The following UTP15 variants were observed in gnomAD, a reference collection of about 807,000 sequenced individuals.
The protein encoded by UTP15 is UTP15 small subunit processome component.
In UTP15, 5 loss-of-function variants were observed where a neutral mutation model predicts 59.1. The ratio of observed to expected loss-of-function variants is 0.08; its 90% CI spans 0.04 to 0.18. UTP15 has a LOEUF of 0.18. Ranked by LOEUF, UTP15 falls within the 10% of genes least tolerant of loss-of-function variation. The probability of loss-of-function intolerance (pLI) is 1.00; values close to 1 mark genes in which losing one functional copy is unlikely to be tolerated. For synonymous variants in UTP15, 211 were observed against 212.2 expected, an observed-to-expected ratio of 0.99 and a Z score of 0.05; for missense variants, 494 against 616.7, an observed-to-expected ratio of 0.80 and a Z score of 2.11.
At chr5:73,576,021 G>A (rs894961776) in intron 7 of UTP15, among the ~76,000 whole-genome samples, 2 of 151,380 alleles carry the variant, frequency 1.3e-5, no homozygotes, top group African/African-American at 4.9e-5. Flanking sequence ...ACCGCACCCG[G>A]CTAATACCTT....
Position 73,569,589 on chromosome 5 carries a change from C to T in UTP15, c.461C>T (p.Ser154Phe). 1 of 1,613,622 alleles carries T rather than the reference C, an allele frequency of 6.2e-7. No homozygotes were observed. Among genetic ancestry groups the T allele is most frequent in the South Asian group, 1.1e-5 (1 of 91,034 alleles). The change falls in exon 5 of 13, where the codon TCC becomes TTC. Residue 154 changes from serine (S) to phenylalanine (F), a missense_variant. Physicochemically the swap from Ser to Phe is radical, Grantham distance 155. Coordinates refer to ENST00000296792, the MANE Select transcript of UTP15 (RefSeq NM_032175.4). ...GTTAAATTATGGGATATTCCAAACT[C>T]CAAAGAAATTTTGACATTTAAAGAA... ...YTVKLWDIPNSKEILTFKEHS... is the reference protein window; with the variant it reads ...YTVKLWDIPNFKEILTFKEHS...
chr5:73,569,917 C>T (rs1454697315), intron 5 of UTP15, among the ~76,000 whole-genome samples: 2 of 152,140 alleles, frequency 1.3e-5, no homozygotes, highest in African/African-American at 4.8e-5. Flanking sequence ...ACTGCATCTG[C>T]TACCTCCTGG....
Position 73,582,161 on chromosome 5 carries a change from G to A in UTP15, c.*2067G>A, listed in dbSNP as rs1159078938. On this transcript the variant is annotated 3_prime_UTR_variant, in exon 13 of 13. Coordinates refer to ENST00000296792, the MANE Select transcript of UTP15 (RefSeq NM_032175.4). Reference sequence around the variant, plus strand: ...TATTCTCATTTAACATTGAGTTAACGAAAGTAGTTGATTCACTCTCGAAGT... The same window carrying A: ...TATTCTCATTTAACATTGAGTTAACAAAAGTAGTTGATTCACTCTCGAAGT... The A allele has an allele frequency of 2.6e-5, 4 of 152,144 alleles. No homozygotes were observed. Among genetic ancestry groups the A allele is most frequent in the Admixed American group, 6.5e-5 (1 of 15,270 alleles). The allele number at this position is 152,144 out of a possible 1,614,324, so 9.4% of individuals were successfully genotyped here.
Position 73,577,785 on chromosome 5 carries a change from G to A in UTP15, c.895-71G>A, listed in dbSNP as rs1183612636. 3.9e-5 allele frequency: 51 copies of A among 1,308,592 alleles called. No homozygotes were observed. The Middle Eastern group carries it at 9.6e-4, about 25-fold the overall frequency. 81.1% of individuals were successfully genotyped at this position (1,308,592 alleles called of 1,614,324 possible). ...GACAAGCAGCAAACACATGGTAAAT[G>A]TGTTTTGAAGTAAAAGTACTATAAA... On this transcript the variant is annotated intron_variant, in intron 8 of 12. Transcript: ENST00000296792.
intron 5 of UTP15, 101 bp downstream of exon 5, chr5:73,569,776 T>A (rs775650912): frequency 2.4e-5 from 22 of 917,814 alleles, no homozygotes; most frequent in Non-Finnish European, 3.0e-5. Flanking sequence ...AAATTTTTTT[T>A]ATAAAGGAAT....
Position 73,565,782 on chromosome 5 carries a change from G to A in UTP15, c.-214G>A, listed in dbSNP as rs1420076304. 1.1e-5 allele frequency: 5 copies of A among 456,140 alleles called. No individual in the cohort carries two copies. Among genetic ancestry groups the A allele is most frequent in the Non-Finnish European group, 8.8e-6 (2 of 226,956 alleles). 28.3% of individuals were successfully genotyped at this position (456,140 alleles called of 1,614,324 possible). A position where few individuals can be genotyped will look rare whatever the true frequency, so the allele number is the denominator to read the frequency against. On this transcript the variant is annotated 5_prime_UTR_variant, in exon 1 of 13. Coordinates refer to ENST00000296792, the MANE Select transcript of UTP15 (RefSeq NM_032175.4). ...CGACGTTCGGTTCGCTGTGTGTGTC[G>A]CCGGCTCCTTGAGGGTCCATGTGAT... is the stretch of plus-strand genomic sequence containing the variant.
In UTP15 at chr5:73,576,941, C is replaced by T. The variant is rs1220622; in HGVS notation, c.810-11C>T. The T allele has an allele frequency of 0.7, 1,100,000 of 1,565,202 alleles. 387,948 individuals carry two copies. Among genetic ancestry groups the T allele is most frequent in the East Asian group, 0.82 (36,329 of 44,420 alleles). ...AAGGTGATTTTTGACAAAGCTTTTC[C>T]TTTTTATTAGGAAGGTGAAAGTATA... is the stretch of plus-strand genomic sequence containing the variant. On this transcript the variant is annotated splice_polypyrimidine_tract_variant and intron_variant, in intron 7 of 12. Transcript: ENST00000296792.
At chr5:73,579,710 T>C (rs1748239732) in intron 12 of UTP15, among the ~76,000 whole-genome samples, 167 bp from the exon 13 acceptor site, 1 of 152,134 alleles carries the variant, frequency 6.6e-6, no homozygotes, top group Admixed American at 6.5e-5. Flanking sequence ...ATTAATTTAC[T>C]CAGAGGGATT....
At chr5:73,571,730 G>A (rs1335948714) in intron 6 of UTP15, among the ~76,000 whole-genome samples, 1 of 151,916 alleles carries the variant, frequency 6.6e-6, no homozygotes, top group Non-Finnish European at 1.5e-5. Context: ...GAGTCCAGGA[G>A]TTTGAGACCA....
In UTP15 at chr5:73,581,510, T is replaced by G. The variant is rs577119817; in HGVS notation, c.*1416T>G. On this transcript the variant is annotated 3_prime_UTR_variant, in exon 13 of 13. Transcript: ENST00000296792. ...TAATTATTACGCCAACTCAAGTAGT[T>G]AAAAATCAGTAAGAAAAATGTCTTG... 2.0e-5 allele frequency: 3 copies of G among 152,254 alleles called. No individual in the cohort carries two copies. In the East Asian group the frequency reaches 5.8e-4, roughly 29 times the overall value. The allele number at this position is 152,254 out of a possible 1,614,324, so 9.4% of individuals were successfully genotyped here. A position where few individuals can be genotyped will look rare whatever the true frequency, so the allele number is the denominator to read the frequency against.
chr5:73,568,189 T>G, intron 2 of UTP15, 46 bp from the exon 3 acceptor site: 1 of 1,397,284 alleles, frequency 7.2e-7, no homozygotes, highest in Non-Finnish European at 9.9e-7. Flanking sequence ...CATAAATAGG[T>G]CTTACCAGTG....
rs201155824 is a variant in UTP15 at position 73,579,387 on chromosome 5, T to C, written c.1339+12T>C. 1 of 1,591,226 alleles carries C rather than the reference T, an allele frequency of 6.3e-7. No homozygotes were observed. Among genetic ancestry groups the C allele is most frequent in the Non-Finnish European group, 8.6e-7 (1 of 1,169,158 alleles). On this transcript the variant is annotated intron_variant, in intron 12 of 12. Coordinates refer to ENST00000296792, the MANE Select transcript of UTP15 (RefSeq NM_032175.4). ...TGAAATAATTATTGGTAAGTCATTG[T>C]TAAAACTTGAAAATCCTAACATGCT...
chr5:73,580,357 A>G lies in UTP15; in HGVS notation c.*263A>G, dbSNP rs1748264332. 1.6e-5 allele frequency: 5 copies of G among 320,132 alleles called. No individual in the cohort carries two copies. The South Asian group carries it at 1.9e-4, about 12-fold the overall frequency. The allele number at this position is 320,132 out of a possible 1,614,324, so 19.8% of individuals were successfully genotyped here. On this transcript the variant is annotated 3_prime_UTR_variant, in exon 13 of 13. Transcript: ENST00000296792. ...CAGAGTAGGTTTATCTGGGATGGAT[A>G]TTAATTTTAATACAGGAGTGTTCTG...
intron 5 of UTP15, among the ~76,000 whole-genome samples, chr5:73,569,916 G>C (rs1354151872): frequency 6.6e-6 from 1 of 152,052 alleles, no homozygotes. Flanking sequence ...CACTGCATCT[G>C]CTACCTCCTG....
chr5:73,581,021 TAA>T lies in UTP15; in HGVS notation c.*930_*931del, dbSNP rs1580398116. On this transcript the variant is annotated 3_prime_UTR_variant, in exon 13 of 13. Coordinates refer to ENST00000296792, the MANE Select transcript of UTP15 (RefSeq NM_032175.4). The stretch of plus-strand genomic sequence containing the variant: ...GTTTGCTTTGAAAAATAGTTGTTTT[TAA>T]AAGTTTAATGTAAATAATTATTTTT... 2 of 152,202 alleles carry T rather than the reference TAA, an allele frequency of 1.3e-5. No homozygotes were observed. Among genetic ancestry groups the T allele is most frequent in the East Asian group, 3.9e-4 (2 of 5,176 alleles). The allele number at this position is 152,202 out of a possible 1,614,324, so 9.4% of individuals were successfully genotyped here. A position where few individuals can be genotyped will look rare whatever the true frequency, so the allele number is the denominator to read the frequency against.
At chr5:73,575,394 A>G (rs1748059930) in intron 7 of UTP15, among the ~76,000 whole-genome samples, 1 of 152,196 alleles carries the variant, frequency 6.6e-6, no homozygotes, top group South Asian at 2.1e-4. Flanking sequence ...ATCACAACTC[A>G]TGGTACTTAC....
chr5:73,576,973 A>G lies in UTP15; in HGVS notation c.831A>G (p.Thr277=), dbSNP rs756520723. Residue 277 remains threonine (T), a synonymous_variant, in exon 8 of 13, where the codon ACA becomes ACG. Coordinates refer to ENST00000296792, the MANE Select transcript of UTP15 (RefSeq NM_032175.4). ...TTAGGAAGGTGAAAGTATACAGCAC[A>G]ACTTCCTACAAAGTAGTCCACAGTT... is the stretch of plus-strand genomic sequence containing the variant. The part of the protein sequence containing the change: ...SLDRKVKVYS[T]TSYKVVHSFD... The G allele has an allele frequency of 6.2e-7, 1 of 1,608,014 alleles. No individual in the cohort carries two copies. Among genetic ancestry groups the G allele is most frequent in the Non-Finnish European group, 8.5e-7 (1 of 1,178,458 alleles).
At chr5:73,566,290 G>C (rs1047362581) in intron 1 of UTP15, 1 of 205,268 alleles carries the variant, frequency 4.9e-6, no homozygotes, top group East Asian at 1.2e-4. Context: ...ACACGTCAAG[G>C]CTGAGTCTAG....
rs1283246802 is a variant in UTP15, at chr5:73,582,892, C to T, written c.*2798C>T. The T allele has an allele frequency of 6.6e-6, 1 of 152,140 alleles. No individual in the cohort carries two copies. The highest frequency in any genetic ancestry group is 1.5e-5 in the Non-Finnish European group (1 of 68,028). 9.4% of individuals were successfully genotyped at this position (152,140 alleles called of 1,614,324 possible). A position where few individuals can be genotyped will look rare whatever the true frequency, so the allele number is the denominator to read the frequency against. On this transcript the variant is annotated 3_prime_UTR_variant, in exon 13 of 13. Transcript: ENST00000296792. ...AAAAGTACTGAAATGTTTCAGAGAACTTGGAAAGTCACCGTATGTTTAATT... is the reference window on the plus strand; with the variant it reads ...AAAAGTACTGAAATGTTTCAGAGAATTTGGAAAGTCACCGTATGTTTAATT...
Sources: gnomAD v4.1 joint callset for allele counts (sites outside exome capture counted in the v4.1 genomes callset) on GRCh38, gnomAD v4.1.1 for gene constraint, MANE v1.5 for transcripts, NCBI Gene and HGNC (gene_info 2026-07-23, HGNC 2026-07-21) for gene names.